Variants in EXTL3 observed in about 807,000 individuals in gnomAD.
EXTL3 encodes exostosin like glycosyltransferase 3.
In EXTL3, 27 loss-of-function variants were observed where a neutral mutation model predicts 69.3. The ratio of observed to expected loss-of-function variants is 0.39; its 90% CI spans 0.29 to 0.54. The LOEUF is 0.54. Ranked by LOEUF, EXTL3 falls within the 20% of genes least tolerant of loss-of-function variation. The pLI is 0.69. For missense variants in EXTL3, 1,003 were observed against 1,231.8 expected, an observed-to-expected ratio of 0.81 and a Z score of 2.78; for synonymous variants, 511 against 499.4, an observed-to-expected ratio of 1.02 and a Z score of -0.31.
At chr8:28,669,477 A>G in intron 1 of EXTL3, among the ~76,000 whole-genome samples, 1 of 152,216 alleles carries the variant, frequency 6.6e-6, no homozygotes. Flanking sequence ...ATAAATTGAT[A>G]TGTCCTCTAT....
At chr8:28,660,103 C>T (rs1807082980) in intron 1 of EXTL3, among the ~76,000 whole-genome samples, 1 of 152,200 alleles carries the variant, frequency 6.6e-6, no homozygotes, top group African/African-American at 2.4e-5. Flanking sequence ...CGGCTCATGC[C>T]TGTAATCCCA....
At position 28,748,943 on chromosome 8, in the gene EXTL3, A is replaced by G. The variant is rs1801946972; in HGVS notation, c.2551-1714A>G. Among the ~76,000 whole-genome samples, 3 of 152,208 alleles carry G rather than the reference A, an allele frequency of 2.0e-5. No individual in the cohort carries two copies. The South Asian group carries it at 6.2e-4, about 32-fold the overall frequency. On this transcript the variant is annotated intron_variant, in intron 6 of 6. Coordinates refer to ENST00000220562, the MANE Select transcript of EXTL3 (RefSeq NM_001440.4). ...GGGCAATATGGGGAGTCCCCAGGGA[A>G]AAAACAAAAAAGAAAACTAGACCCA...
chr8:28,681,294 C>G (rs1807483651), intron 1 of EXTL3, among the ~76,000 whole-genome samples: 1 of 150,812 alleles, frequency 6.6e-6, no homozygotes, highest in Admixed American at 6.6e-5. Context: ...GCAGGCAGAT[C>G]ACCTGAGGTC....
At chr8:28,689,357 C>T (rs1800574601) in intron 1 of EXTL3, among the ~76,000 whole-genome samples, 1 of 152,184 alleles carries the variant, frequency 6.6e-6, no homozygotes. Context: ...GCTCCAGCCT[C>T]CCACACTGTT....
intron 1 of EXTL3, chr8:28,686,098 T>C (rs1250450948): frequency 1.3e-5 from 2 of 152,126 alleles, no homozygotes; most frequent in African/African-American, 4.8e-5. Flanking sequence ...ACTCCTGACC[T>C]CAAGTGATTT....
intron 1 of EXTL3, among the ~76,000 whole-genome samples, chr8:28,702,916 T>C (rs1800842247): frequency 6.6e-6 from 1 of 152,214 alleles, no homozygotes; most frequent in Non-Finnish European, 1.5e-5. Context: ...ATACAGTGAC[T>C]ATCGCTGTGA....
chr8:28,639,206 G>T (rs1806705097), intron 1 of EXTL3, among the ~76,000 whole-genome samples: 2 of 152,204 alleles, frequency 1.3e-5, no homozygotes, highest in East Asian at 1.9e-4. Context: ...AAAGTGCTGG[G>T]ATTACAGGCG....
rs1295143450 is a variant in EXTL3 at position 28,717,029 on chromosome 8, T to G, written c.970T>G (p.Ser324Ala). The G allele has an allele frequency of 1.9e-6, 3 of 1,614,130 alleles. No individual in the cohort carries two copies. The highest frequency in any genetic ancestry group is 2.5e-6 in the Non-Finnish European group (3 of 1,180,046). Residue 324 changes from serine (S) to alanine (A), a missense_variant, in exon 3 of 7, where the codon TCT becomes GCT. This residue lies in a region of EXTL3 where 742 missense variants were observed against 815.4 expected (regional missense o/e 0.91). Coordinates refer to ENST00000220562, the MANE Select transcript of EXTL3 (RefSeq NM_001440.4). This position sits in a 1 kb window ranked among gnomAD's most constrained non-coding sequence, Gnocchi z 8.3. The part of the protein sequence containing the change: ...LVVSPLVHAM[S>A]EPNFMEIPPQ... ...CGTATCACCGCTGGTCCATGCCATG[T>G]CTGAGCCCAACTTCATGGAAATCCC...
rs1326349752 is a variant in EXTL3 at position 28,673,778 on chromosome 8, T to C, written c.-52-39679T>C. On this transcript the variant is annotated intron_variant, in intron 1 of 6. Transcript: ENST00000523149. The stretch of plus-strand genomic sequence containing the variant: ...CTATGTCTATCTATATATAGAGATA[T>C]CTCCTTCTTGTTCTGTTTCTCTGGA... Among the ~76,000 whole-genome samples the C allele has an allele frequency of 2.6e-5, 4 of 152,332 alleles. No individual in the cohort carries two copies. The East Asian group carries it at 7.7e-4, about 29-fold the overall frequency.
rs112991583 is a variant in EXTL3 at position 28,713,473 on chromosome 8, G to C, written c.-553G>C. 2.9e-6 allele frequency: 2 copies of C among 698,382 alleles called. No homozygotes were observed. The highest frequency in any genetic ancestry group is 5.2e-6 in the Non-Finnish European group (2 of 383,628). 43.3% of individuals were successfully genotyped at this position (698,382 alleles called of 1,614,324 possible). On this transcript the variant is annotated 5_prime_UTR_variant, in exon 2 of 7. Transcript: ENST00000220562. Reference sequence around the variant, plus strand: ...TTAAATCAGGAGAGCAAGCCCTGGAGGTTCACTCTTTCAAGAAGTCGTGTG... The same window carrying C: ...TTAAATCAGGAGAGCAAGCCCTGGACGTTCACTCTTTCAAGAAGTCGTGTG...
At chr8:28,646,780 C>T (rs1351528189) in intron 1 of EXTL3, among the ~76,000 whole-genome samples, 1 of 152,164 alleles carries the variant, frequency 6.6e-6, no homozygotes, top group Non-Finnish European at 1.5e-5. Flanking sequence ...TCTGGGCTGC[C>T]ATTTCCTCAT....
chr8:28,689,729 C>G (rs1158790427), intron 1 of EXTL3, among the ~76,000 whole-genome samples: 1 of 152,164 alleles, frequency 6.6e-6, no homozygotes, highest in East Asian at 1.9e-4. Flanking sequence ...ATTTGGACAG[C>G]TGGGGTTAGG....
At chr8:28,610,122 G>T (rs551422261) in intron 2 of EXTL3, among the ~76,000 whole-genome samples, 1 of 152,192 alleles carries the variant, frequency 6.6e-6, no homozygotes, top group Non-Finnish European at 1.5e-5. Context: ...AGAATCACTT[G>T]AACCTGGGAG....
chr8:28,723,777 G>T lies in EXTL3; in HGVS notation c.2148+5570G>T, dbSNP rs550598701. On this transcript the variant is annotated intron_variant, in intron 3 of 6. Transcript: ENST00000220562. ...GTACCTCAGCCTCTTTTGTAGCTGG[G>T]ACTACAGGCGCATACCACCACGCCT... Among the ~76,000 whole-genome samples the T allele has an allele frequency of 5.9e-5, 9 of 151,986 alleles. 1 individual carries two copies. The highest frequency in any genetic ancestry group is 1.9e-4 in the African/African-American group (8 of 41,456).
chr8:28,664,058 G>A lies in EXTL3; in HGVS notation c.-53+41248G>A, dbSNP rs911682186. Among the ~76,000 whole-genome samples, 3 of 152,236 alleles carry A rather than the reference G, an allele frequency of 2.0e-5. No individual in the cohort carries two copies. In the South Asian group the frequency reaches 6.2e-4, roughly 31 times the overall value. On this transcript the variant is annotated intron_variant, in intron 1 of 6. Coordinates refer to the EXTL3 transcript ENST00000523149. ...AGGTGACACCTTCTTCACCAGTGACGGAATGACTATTGGTGAAGACACAGT... is the reference window on the plus strand; with the variant it reads ...AGGTGACACCTTCTTCACCAGTGACAGAATGACTATTGGTGAAGACACAGT...
chr8:28,734,751 G>A (rs1801610761), intron 4 of EXTL3, among the ~76,000 whole-genome samples: 1 of 152,102 alleles, frequency 6.6e-6, no homozygotes, highest in Admixed American at 6.6e-5. Context: ...TTTCTTTGGC[G>A]ATCTTTTTCA....
chr8:28,650,068 C>T (rs193195194), intron 1 of EXTL3, among the ~76,000 whole-genome samples: 5 of 151,734 alleles, frequency 3.3e-5, no homozygotes, highest in Admixed American at 2.0e-4. Context: ...TGGTGGCGCA[C>T]ACCTATAATC....
intron 1 of EXTL3, among the ~76,000 whole-genome samples, chr8:28,646,853 C>A (rs1384183141): frequency 6.6e-6 from 1 of 152,154 alleles, no homozygotes; most frequent in Non-Finnish European, 1.5e-5. Context: ...CAAAATGCAT[C>A]ATGCCTAGCA....
At chr8:28,711,417 G>A (rs1193334913) in intron 1 of EXTL3, among the ~76,000 whole-genome samples, 1 of 151,996 alleles carries the variant, frequency 6.6e-6, no homozygotes, top group Non-Finnish European at 1.5e-5. Flanking sequence ...AAGAATTTAT[G>A]CATAAATTTT....
Sources: gnomAD v4.1 joint callset for allele counts (sites outside exome capture counted in the v4.1 genomes callset) on GRCh38, gnomAD v4.1.1 for gene constraint, gnomAD v4.1.1 regional missense constraint, Gnocchi (gnomAD v3.1) non-coding constraint, MANE v1.5 for transcripts, NCBI Gene and HGNC (gene_info 2026-07-23, HGNC 2026-07-21) for gene names.